Variants in MYO16 observed in about 807,000 individuals in gnomAD.
MYO16 encodes myosin XVI, also known as unconventional myosin-XVI.
A neutral mutation model predicts 205.3 loss-of-function variants in MYO16; 94 were observed. The observed-to-expected ratio is 0.46, with a 90% CI of 0.39 to 0.54. The LOEUF is 0.54. Among genes scored for constraint, MYO16 ranks in the 20% least tolerant of loss-of-function variants. The pLI, the probability that MYO16 is intolerant of heterozygous loss-of-function variation, is 0.00. For missense variants in MYO16, 2,315 were observed against 2,387.5 expected, an observed-to-expected ratio of 0.97 and a Z score of 0.63; for synonymous variants, 988 against 954.0, an observed-to-expected ratio of 1.04 and a Z score of -0.66.
intron 3 of MYO16, among the ~76,000 whole-genome samples, chr13:108,714,372 G>A: frequency 6.6e-6 from 1 of 152,142 alleles, no homozygotes; most frequent in Non-Finnish European, 1.5e-5. Flanking sequence ...TGTTTTTCGG[G>A]AGGTCTAGTT....
At chr13:108,965,925 T>A (rs1566436453) in intron 20 of MYO16, among the ~76,000 whole-genome samples, 1 of 152,174 alleles carries the variant, frequency 6.6e-6, no homozygotes, top group African/African-American at 2.4e-5. Context: ...CTTCTTAAAT[T>A]TAAATTAAAT....
At chr13:108,848,273 T>A (rs1877630152) in intron 10 of MYO16, among the ~76,000 whole-genome samples, 1 of 152,230 alleles carries the variant, frequency 6.6e-6, no homozygotes, top group Non-Finnish European at 1.5e-5. Context: ...ATTCATGTAG[T>A]TCCACTCAAC....
intron 9 of MYO16, among the ~76,000 whole-genome samples, chr13:108,840,250 A>T (rs1877172293): frequency 6.6e-6 from 1 of 152,004 alleles, no homozygotes. Context: ...ACTAAGGAAA[A>T]CTCACCTTGC....
intron 34 of MYO16, among the ~76,000 whole-genome samples, chr13:109,186,619 C>T (rs1273612923): frequency 2.0e-5 from 3 of 152,130 alleles, no homozygotes; most frequent in Non-Finnish European, 4.4e-5. Context: ...AACACACACA[C>T]ACACACACAC....
At chr13:108,841,804 T>C (rs1877256501) in intron 9 of MYO16, among the ~76,000 whole-genome samples, 1 of 152,122 alleles carries the variant, frequency 6.6e-6, no homozygotes, top group Admixed American at 6.6e-5. Flanking sequence ...GTTGAAAGCA[T>C]CACATCCCCT....
chr13:108,532,748 A>C, the MYO16 span, among the ~76,000 whole-genome samples: 1 of 152,106 alleles, frequency 6.6e-6, no homozygotes, highest in Non-Finnish European at 1.5e-5. Flanking sequence ...CTATGATTGC[A>C]TCACTGCACT....
rs759299721 is a variant in MYO16, at chr13:108,652,149, GTGTGTGCGCGCGCGCGCA to G, written c.29-13726_29-13709del. 9.1e-4 allele frequency among the ~76,000 whole-genome samples: 134 copies of G among 147,640 alleles called. No individual in the cohort carries two copies. The South Asian group carries it at 0.013, about 14-fold the overall frequency. ...TAGGAGCACAGATACCAATGTGTGTGTGTGTGCGCGCGCGCGCATGTGTGCGCGTGTGTGTGTGTGAAT... is the reference window on the plus strand; with the variant it reads ...TAGGAGCACAGATACCAATGTGTGTGTGTGTGCGCGTGTGTGTGTGTGAAT... On this transcript the variant is annotated intron_variant, in intron 1 of 34. Coordinates refer to ENST00000457511, the MANE Select transcript of MYO16 (RefSeq NM_001198950.3).
At chr13:109,034,527 G>A (rs77958904) in intron 23 of MYO16, among the ~76,000 whole-genome samples, 42 of 152,264 alleles carry the variant, frequency 2.8e-4, no homozygotes, top group Non-Finnish European at 4.1e-4. Context: ...GGCCTCCCTA[G>A]CCATGCTGAA....
chr13:108,616,347 A>G (rs913688867), intron 1 of MYO16, among the ~76,000 whole-genome samples: 8 of 152,172 alleles, frequency 5.3e-5, no homozygotes, highest in Non-Finnish European at 1.0e-4. Context: ...GCGAAATGCA[A>G]TGTTCTGAGT....
At position 108,765,898 on chromosome 13, in the gene MYO16, A is replaced by AGGAATGT. The variant is rs1354497139; in HGVS notation, c.508-19735_508-19729dup. Reference sequence around the variant, plus strand: ...TCCGGCAGTTTACAAAGGGAGCTTTAGGAATGTGTTCAATATATAATTCAA... The same window carrying AGGAATGT: ...TCCGGCAGTTTACAAAGGGAGCTTTAGGAATGTGGAATGTGTTCAATATATAATTCAA... On this transcript the variant is annotated intron_variant, in intron 4 of 34. Transcript: ENST00000457511. Among the ~76,000 whole-genome samples, 5 of 152,238 alleles carry AGGAATGT rather than the reference A, an allele frequency of 3.3e-5. No individual in the cohort carries two copies. In the East Asian group the frequency reaches 7.7e-4, roughly 23 times the overall value.
chr13:109,199,222 A>ATATATATATG, intron 34 of MYO16, among the ~76,000 whole-genome samples: 1 of 96,900 alleles, frequency 1.0e-5, no homozygotes, highest in Admixed American at 1.0e-4. Flanking sequence ...ATATATATAT[A>ATATATATATG]TATATATATA....
At chr13:108,530,124 A>G in the MYO16 span, among the ~76,000 whole-genome samples, 2 of 152,128 alleles carry the variant, frequency 1.3e-5, no homozygotes, top group Non-Finnish European at 2.9e-5. Flanking sequence ...CAGACTTTCT[A>G]GACACTTCTG....
chr13:109,084,433 T>C (rs924964049), intron 27 of MYO16, among the ~76,000 whole-genome samples: 2 of 152,248 alleles, frequency 1.3e-5, no homozygotes, highest in Middle Eastern at 6.8e-3. Context: ...CCCTTTAATA[T>C]AATTAGAAAT....
chr13:108,626,275 G>T (rs1239789630), upstream of MYO16, among the ~76,000 whole-genome samples: 1 of 152,098 alleles, frequency 6.6e-6, no homozygotes, highest in Non-Finnish European at 1.5e-5. Flanking sequence ...GAAATATTAT[G>T]CATTCGTATT....
At chr13:109,033,243 G>A (rs937581447) in intron 23 of MYO16, among the ~76,000 whole-genome samples, 2 of 152,170 alleles carry the variant, frequency 1.3e-5, no homozygotes, top group South Asian at 4.1e-4. Flanking sequence ...CTGTGAGGCA[G>A]TGCACCACTG....
At chr13:109,194,059 T>A (rs1364537587) in intron 34 of MYO16, among the ~76,000 whole-genome samples, 1 of 152,160 alleles carries the variant, frequency 6.6e-6, no homozygotes, top group Non-Finnish European at 1.5e-5. Context: ...TATTAATCAA[T>A]TAATGCTATC....
intron 6 of MYO16, among the ~76,000 whole-genome samples, chr13:108,798,881 A>G (rs1306925949): frequency 2.1e-5 from 3 of 140,716 alleles, no homozygotes; most frequent in African/African-American, 7.9e-5. Flanking sequence ...AATTTTTTGT[A>G]TTTTTAGTAG....
At chr13:109,024,899 T>C (rs1229059604) in intron 23 of MYO16, among the ~76,000 whole-genome samples, 1 of 152,186 alleles carries the variant, frequency 6.6e-6, no homozygotes, top group African/African-American at 2.4e-5. Context: ...TTTGAGCTAC[T>C]GCAGTTTCAA....
chr13:109,033,209 C>G (rs1198320427), intron 23 of MYO16, among the ~76,000 whole-genome samples: 1 of 152,110 alleles, frequency 6.6e-6, no homozygotes, highest in Admixed American at 6.6e-5. Context: ...GGCTCCGTTT[C>G]CTCTCGTCTC....
Sources: allele counts gnomAD v4.1 joint callset (sites outside exome capture counted in the v4.1 genomes callset), GRCh38; gene constraint gnomAD v4.1.1; transcripts MANE v1.5; gene names NCBI Gene and HGNC (gene_info 2026-07-23, HGNC 2026-07-21).